Variants in TARS3 observed in about 807,000 individuals in gnomAD.
TARS3 encodes the protein threonine--tRNA ligase 2, cytoplasmic.
In TARS3, 94 loss-of-function variants were observed where a neutral mutation model predicts 103.5. The observed-to-expected ratio is 0.91, with a 90% CI of 0.77 to 1.08. The LOEUF is 1.08. Among genes scored for constraint, TARS3 ranks in the 50% least tolerant of loss-of-function variants. The pLI is 0.00. For missense variants in TARS3, 952 were observed against 995.2 expected, an observed-to-expected ratio of 0.96 and a Z score of 0.58; for synonymous variants, 416 against 355.4, an observed-to-expected ratio of 1.17 and a Z score of -1.92.
intron 10 of TARS3, among the ~76,000 whole-genome samples, chr15:101,699,686 A>G (rs1026383448): frequency 6.6e-6 from 1 of 152,180 alleles, no homozygotes; most frequent in African/African-American, 2.4e-5. Flanking sequence ...CGCATTGGCC[A>G]GTCCCTACTG....
Position 101,698,118 on chromosome 15 carries a change from C to T in TARS3, c.1320+2968G>A, listed in dbSNP as rs1008792910. 6.6e-5 allele frequency among the ~76,000 whole-genome samples: 10 copies of T among 152,216 alleles called. No individual in the cohort carries two copies. The South Asian group carries it at 1.7e-3, about 25-fold the overall frequency. ...TTGGGAGGCTGAGGCAGGCGGATCA[C>T]GAAGTCAGGAGATCTAGACCATCCT... On this transcript the variant is annotated intron_variant, in intron 10 of 18. Coordinates refer to ENST00000335968, the MANE Select transcript of TARS3 (RefSeq NM_152334.3).
chr15:101,717,376 G>A (rs957019263), intron 3 of TARS3, among the ~76,000 whole-genome samples: 4 of 152,146 alleles, frequency 2.6e-5, no homozygotes, highest in Admixed American at 2.6e-4. Flanking sequence ...ATGATAACAA[G>A]AACTTAATAA....
intron 18 of TARS3, chr15:101,656,130 T>C: frequency 9.1e-7 from 1 of 1,101,086 alleles, no homozygotes; most frequent in South Asian, 1.3e-5. Flanking sequence ...AGCTCCTGAT[T>C]GCTCTTCTAG....
chr15:101,714,893 C>G lies in TARS3; in HGVS notation c.637G>C (p.Glu213Gln). 6.2e-7 allele frequency: 1 copy of G among 1,613,494 alleles called. No individual in the cohort carries two copies. Among genetic ancestry groups the G allele is most frequent in the Non-Finnish European group, 8.5e-7 (1 of 1,179,626 alleles). The change falls in exon 4 of 19, where the codon GAA (glutamate) becomes CAA (glutamine). Residue 213 changes from glutamate to glutamine, a missense_variant. By Grantham distance (29) the Glu-to-Gln change is conservative. Around this residue, in one of 2 missense-constraint regions of TARS3, gnomAD observed 412 missense variants for 364.2 expected, o/e 1.13. Transcript: ENST00000335968. The part of the protein sequence containing the change: ...GELWDLDRPL[E>Q]GDSSLELLTF... ...AGCAGCTCTAGAGAAGAGTCCCCTT[C>G]CAATGGGCGGTCCAGGTCCCACAGT...
At position 101,724,273 on chromosome 15, in the gene TARS3, C is replaced by G; in HGVS notation, c.115G>C (p.Ala39Pro). ...CCCTCCGCCTGGCAGCTGTAGGGCG[C>G]GTTCAGCTGCTCGTCCCTCAGGCGC... Reference protein sequence around the residue: ...VERLRDEQLNAPYSCQAEGPC... With the variant: ...VERLRDEQLNPPYSCQAEGPC... Residue 39 changes from alanine (A) to proline (P), a missense_variant, in exon 1 of 19, where the codon GCG (alanine) becomes CCG (proline). Around this residue, in one of 2 missense-constraint regions of TARS3, gnomAD observed 412 missense variants for 364.2 expected, o/e 1.13. Coordinates refer to ENST00000335968, the MANE Select transcript of TARS3 (RefSeq NM_152334.3). The G allele has an allele frequency of 6.4e-7, 1 of 1,569,512 alleles. No homozygotes were observed. The highest frequency in any genetic ancestry group is 1.2e-5 in the South Asian group (1 of 85,904).
chr15:101,683,948 G>T, intron 12 of TARS3, 127 bp downstream of exon 12: 1 of 816,404 alleles, frequency 1.2e-6, no homozygotes, highest in Non-Finnish European at 1.8e-6. Context: ...CAGCAGGTTA[G>T]AGCTGAATGA....
Position 101,714,894 on chromosome 15 carries a change from C to T in TARS3, c.636G>A (p.Leu212=). ...GCAGCTCTAGAGAAGAGTCCCCTTCCAATGGGCGGTCCAGGTCCCACAGTT... is the reference window on the plus strand; with the variant it reads ...GCAGCTCTAGAGAAGAGTCCCCTTCTAATGGGCGGTCCAGGTCCCACAGTT... The part of the protein sequence containing the change: ...NGELWDLDRP[L]EGDSSLELLT... The change falls in exon 4 of 19, where the codon TTG becomes TTA. Residue 212 remains leucine, a synonymous_variant. Coordinates refer to ENST00000335968, the MANE Select transcript of TARS3 (RefSeq NM_152334.3). 1 of 1,613,452 alleles carries T rather than the reference C, an allele frequency of 6.2e-7. No individual in the cohort carries two copies. Among genetic ancestry groups the T allele is most frequent in the Non-Finnish European group, 8.5e-7 (1 of 1,179,630 alleles).
chr15:101,710,090 G>A (rs564165867), intron 5 of TARS3, among the ~76,000 whole-genome samples: 3 of 152,274 alleles, frequency 2.0e-5, no homozygotes, highest in African/African-American at 4.8e-5. Context: ...ATCACCAAAG[G>A]TCAATGATTT....
chr15:101,699,150 A>G (rs1899128189), intron 10 of TARS3, among the ~76,000 whole-genome samples: 1 of 152,226 alleles, frequency 6.6e-6, no homozygotes, highest in Admixed American at 6.5e-5. Context: ...GGGAAGTGAC[A>G]CAACCATAAT....
chr15:101,685,613 GA>G lies in TARS3; in HGVS notation c.1487+282del, dbSNP rs541731492. ...GAACATGTGAAGTGCATTACTATAA[GA>G]AAGACAAATATTATAAAACTTATAA... On this transcript the variant is annotated intron_variant, in intron 11 of 18. Coordinates refer to ENST00000335968, the MANE Select transcript of TARS3 (RefSeq NM_152334.3). 2.2e-3 allele frequency among the ~76,000 whole-genome samples: 328 copies of G among 151,748 alleles called. 1 individual carries two copies. The highest frequency in any genetic ancestry group is 0.014 in the Middle Eastern group (4 of 294).
In TARS3 at chr15:101,696,014, T is replaced by G. The variant is rs1898956996; in HGVS notation, c.1320+5072A>C. ...TGGGTGGATCACGAGGTCAGGAGAT[T>G]GAGACCATCCTGGCTAACACGGTCT... On this transcript the variant is annotated intron_variant, in intron 10 of 18. Transcript: ENST00000335968. 1.3e-5 allele frequency: 2 copies of G among 151,562 alleles called. 1 individual carries two copies. The highest frequency in any genetic ancestry group is 2.9e-5 in the Non-Finnish European group (2 of 67,968). The allele number at this position is 151,562 out of a possible 1,614,324, so 9.4% of individuals were successfully genotyped here. A position where few individuals can be genotyped will look rare whatever the true frequency, so the allele number is the denominator to read the frequency against.
chr15:101,664,422 A>G (rs779795601), intron 15 of TARS3: 1 of 152,210 alleles, frequency 6.6e-6, no homozygotes, highest in African/African-American at 2.4e-5. Flanking sequence ...TACTAACTCC[A>G]CTGTACCAAT....
At chr15:101,663,992 C>G (rs971288314) in intron 15 of TARS3, among the ~76,000 whole-genome samples, 1 of 152,136 alleles carries the variant, frequency 6.6e-6, no homozygotes, top group East Asian at 1.9e-4. Flanking sequence ...TCTCATCCAC[C>G]CCTGCTTTTT....
At chr15:101,714,814 T>C in intron 4 of TARS3, 26 bp downstream of exon 4, 3 of 1,596,680 alleles carry the variant, frequency 1.9e-6, no homozygotes, top group Non-Finnish European at 2.6e-6. Context: ...ACCCAAAGTT[T>C]GGCTGTCTGG....
intron 10 of TARS3, among the ~76,000 whole-genome samples, chr15:101,689,833 C>A (rs1234371455): frequency 1.3e-5 from 2 of 152,156 alleles, no homozygotes; most frequent in Non-Finnish European, 2.9e-5. Flanking sequence ...AACTAATGCA[C>A]CCACCAAATA....
intron 2 of TARS3, among the ~76,000 whole-genome samples, chr15:101,722,504 C>T (rs1399063792): frequency 7.0e-6 from 1 of 142,000 alleles, no homozygotes; most frequent in African/African-American, 2.6e-5. Context: ...GCTAGTTTCT[C>T]GAATACAAAA....
chr15:101,689,028 G>GT (rs1302070662), intron 10 of TARS3, among the ~76,000 whole-genome samples: 1 of 152,166 alleles, frequency 6.6e-6, no homozygotes, highest in African/African-American at 2.4e-5. Context: ...GGTGCCCAAA[G>GT]TATGTTTTCA....
intron 4 of TARS3, chr15:101,714,605 C>CAAACAAAAAAAAA (rs1900041375): frequency 1.3e-5 from 1 of 77,462 alleles, no homozygotes; most frequent in Non-Finnish European, 2.1e-5. Flanking sequence ...GACTCCATCT[C>CAAACAAAAAAAAA]AAAAAAAAAA....
intron 6 of TARS3, 137 bp downstream of exon 6, chr15:101,708,656 T>G: frequency 1.5e-6 from 1 of 667,774 alleles, no homozygotes; most frequent in South Asian, 1.8e-5. Context: ...AAGTAACTGG[T>G]AACAACCTCA....
Sources: gnomAD v4.1 joint callset for allele counts (sites outside exome capture counted in the v4.1 genomes callset) on GRCh38, gnomAD v4.1.1 for gene constraint, gnomAD v4.1.1 regional missense constraint, MANE v1.5 for transcripts, NCBI Gene and HGNC (gene_info 2026-07-23, HGNC 2026-07-21) for gene names.